CCSER1: variants seen among roughly 807,000 people sequenced by gnomAD.
CCSER1 encodes coiled-coil serine rich protein 1, also known as serine-rich coiled-coil domain-containing protein 1.
CCSER1 carries 41 observed loss-of-function variants against 82.0 expected under a neutral mutation model. The observed-to-expected ratio is 0.50, with a 90% CI of 0.39 to 0.65. The LOEUF is 0.65. CCSER1 is among the 30% of genes least tolerant of loss of function. The pLI is 0.00. For synonymous variants in CCSER1, 414 were observed against 383.9 expected (o/e 1.08, Z -0.92); for missense variants, 1,119 against 1,064.2 (o/e 1.05, Z -0.72).
At chr4:90,490,074 C>T (rs1157167121) in intron 5 of CCSER1, among the ~76,000 whole-genome samples, 18 of 152,210 alleles carry the variant, frequency 1.2e-4, no homozygotes, top group Middle Eastern at 3.4e-3. Context: ...ATTTCTAGTT[C>T]GATATCCCTG....
At chr4:91,190,005 C>T (rs542616477) in intron 10 of CCSER1, among the ~76,000 whole-genome samples, 4 of 152,300 alleles carry the variant, frequency 2.6e-5, no homozygotes, top group South Asian at 2.1e-4. Context: ...GTGCATGTTG[C>T]AGTACCTGTC....
intron 10 of CCSER1, among the ~76,000 whole-genome samples, chr4:91,178,946 T>C (rs1305016203): frequency 6.6e-6 from 1 of 152,202 alleles, no homozygotes; most frequent in Non-Finnish European, 1.5e-5. Flanking sequence ...TACCAGTTGT[T>C]CCTTTCCATT....
chr4:90,330,545 A>T (rs1206812229), intron 3 of CCSER1, among the ~76,000 whole-genome samples: 1 of 152,176 alleles, frequency 6.6e-6, no homozygotes, highest in Non-Finnish European at 1.5e-5. Flanking sequence ...CATTGATGCT[A>T]AAGCTTTAAC....
chr4:90,541,581 A>G (rs1459426524), intron 5 of CCSER1, among the ~76,000 whole-genome samples: 2 of 152,124 alleles, frequency 1.3e-5, no homozygotes, highest in East Asian at 3.9e-4. Context: ...CTATACCACT[A>G]TACCACACAC....
intron 3 of CCSER1, among the ~76,000 whole-genome samples, chr4:90,322,933 C>T (rs914664207): frequency 6.6e-6 from 1 of 152,152 alleles, no homozygotes; most frequent in Admixed American, 6.5e-5. Context: ...ATGGCTACCA[C>T]TGATGTTTAC....
chr4:91,550,058 G>A (rs1488722882), intron 10 of CCSER1, among the ~76,000 whole-genome samples: 1 of 152,130 alleles, frequency 6.6e-6, no homozygotes. Flanking sequence ...GCTAGCACTG[G>A]CTACAGTTGG....
At chr4:90,342,761 T>C (rs575610416) in intron 3 of CCSER1, among the ~76,000 whole-genome samples, 1 of 152,300 alleles carries the variant, frequency 6.6e-6, no homozygotes, top group African/African-American at 2.4e-5. Context: ...ACTGATCTTG[T>C]TAAGGATGTC....
intron 8 of CCSER1, among the ~76,000 whole-genome samples, chr4:90,920,500 A>G (rs1213015257): frequency 6.6e-6 from 1 of 151,888 alleles, no homozygotes; most frequent in African/African-American, 2.4e-5. Context: ...ACTTCTAAAT[A>G]TTTGCAATTA....
intron 8 of CCSER1, among the ~76,000 whole-genome samples, chr4:90,900,055 A>T (rs190545394): frequency 1.4e-3 from 195 of 142,926 alleles, no homozygotes; most frequent in Non-Finnish European, 1.7e-3. Context: ...TTCTTTGCCT[A>T]TCTGATAGAA....
chr4:91,421,115 C>T (rs1370925500), intron 10 of CCSER1, among the ~76,000 whole-genome samples: 3 of 152,110 alleles, frequency 2.0e-5, no homozygotes, highest in Non-Finnish European at 4.4e-5. Context: ...TGAATAAGTT[C>T]TGGGGATCAC....
chr4:90,590,767 T>G (rs1782595494), intron 5 of CCSER1, among the ~76,000 whole-genome samples: 1 of 152,130 alleles, frequency 6.6e-6, no homozygotes, highest in South Asian at 2.1e-4. Context: ...CTTAGAATTG[T>G]CTTGGTTATA....
intron 5 of CCSER1, among the ~76,000 whole-genome samples, chr4:90,471,238 C>T (rs1320682599): frequency 6.6e-6 from 1 of 151,894 alleles, no homozygotes; most frequent in Non-Finnish European, 1.5e-5. Flanking sequence ...GGTTAGGAAT[C>T]CAGGCATTGG....
intron 10 of CCSER1, among the ~76,000 whole-genome samples, chr4:91,257,604 A>G (rs1006059039): frequency 6.6e-6 from 1 of 152,066 alleles, no homozygotes; most frequent in Non-Finnish European, 1.5e-5. Flanking sequence ...AAAGGAACAA[A>G]AATTTTGTTA....
intron 5 of CCSER1, among the ~76,000 whole-genome samples, chr4:90,565,076 A>C (rs1779207164): frequency 6.6e-6 from 1 of 150,598 alleles, no homozygotes; most frequent in Admixed American, 6.6e-5. Context: ...TGGTATATTG[A>C]TAGGTATTGT....
chr4:90,748,859 C>A (rs1342083005), intron 7 of CCSER1, among the ~76,000 whole-genome samples: 1 of 149,258 alleles, frequency 6.7e-6, no homozygotes, highest in East Asian at 2.0e-4. Context: ...CTGTTCATGT[C>A]CTTTGCCCAC....
intron 10 of CCSER1, among the ~76,000 whole-genome samples, chr4:91,397,890 G>A (rs934762003): frequency 1.3e-5 from 2 of 151,898 alleles, no homozygotes; most frequent in East Asian, 1.9e-4. Context: ...GTGTGGCTGG[G>A]GCATACTGTT....
intron 7 of CCSER1, among the ~76,000 whole-genome samples, chr4:90,735,502 A>T (rs566842539): frequency 3.2e-4 from 48 of 152,198 alleles, no homozygotes; most frequent in Non-Finnish European, 4.6e-4. Context: ...TTCATTACTT[A>T]TTATTGGTCT....
intron 1 of CCSER1, among the ~76,000 whole-genome samples, chr4:90,233,383 C>G (rs969920161): frequency 1.2e-4 from 18 of 151,808 alleles, no homozygotes; most frequent in African/African-American, 4.1e-4. Flanking sequence ...ACAAAAAACC[C>G]AACACCGCAT....
At chr4:90,590,489 A>G (rs1782557304) in intron 5 of CCSER1, among the ~76,000 whole-genome samples, 1 of 152,014 alleles carries the variant, frequency 6.6e-6, no homozygotes, top group African/African-American at 2.4e-5. Context: ...CTGAAGCAGG[A>G]GAATCACTTG....
Sources: allele counts gnomAD v4.1 joint callset (sites outside exome capture counted in the v4.1 genomes callset), GRCh38; gene constraint gnomAD v4.1.1; transcripts MANE v1.5; gene names NCBI Gene and HGNC (gene_info 2026-07-23, HGNC 2026-07-21).